GMDS: variants seen among roughly 807,000 people sequenced by gnomAD.
The protein encoded by GMDS is GDP-mannose 4,6-dehydratase.
GMDS carries 20 observed loss-of-function variants against 49.9 expected under a neutral mutation model. That is an observed-to-expected ratio of 0.40 (90% confidence interval 0.28 to 0.58). The LOEUF is 0.58. GMDS is among the 20% of genes least tolerant of loss of function. The probability of loss-of-function intolerance (pLI) is 0.42; values close to 1 mark genes in which losing one functional copy is unlikely to be tolerated. For missense variants in GMDS, 362 were observed against 481.4 expected (o/e 0.75, Z 2.32); for synonymous variants, 177 against 178.6 (o/e 0.99, Z 0.07).
At chr6:2,079,248 G>A (rs568286781) in intron 4 of GMDS, among the ~76,000 whole-genome samples, 1 of 151,900 alleles carries the variant, frequency 6.6e-6, no homozygotes, top group African/African-American at 2.4e-5. Flanking sequence ...TAGCTTCTAA[G>A]TGGAAAATTC....
chr6:2,202,430 T>TA (rs2127577253), intron 1 of GMDS, among the ~76,000 whole-genome samples: 1 of 100,230 alleles, frequency 1.0e-5, no homozygotes, highest in Admixed American at 1.2e-4. Context: ...TGCCAATTTC[T>TA]TTCTATTTTT....
chr6:2,136,949 A>T (rs1776038668), intron 1 of GMDS, among the ~76,000 whole-genome samples: 1 of 151,986 alleles, frequency 6.6e-6, no homozygotes, highest in South Asian at 2.1e-4. Context: ...TTTGACTTTG[A>T]AGTATAAGCA....
chr6:2,159,514 CTTTTTTTT>C (rs1157303919), intron 1 of GMDS, among the ~76,000 whole-genome samples: 1 of 108,204 alleles, frequency 9.2e-6, no homozygotes, highest in African/African-American at 3.4e-5. Context: ...TTCTTTTTTT[CTTTTTTTT>C]TTTTTTTTTT....
chr6:1,968,636 G>A lies in GMDS; in HGVS notation c.346-7670C>T, dbSNP rs558136989. ...GGTAAATTTCAGGTTCAGGGAGAGA[G>A]GCGGCTATAGTCATCAGGAGTCTAG... On this transcript the variant is annotated intron_variant, in intron 4 of 10. Coordinates refer to ENST00000380815, the MANE Select transcript of GMDS (RefSeq NM_001500.4). Among the ~76,000 whole-genome samples, 4 of 152,300 alleles carry A rather than the reference G, an allele frequency of 2.6e-5. No homozygotes were observed. In the South Asian group the frequency reaches 8.3e-4, roughly 32 times the overall value.
At chr6:2,217,115 C>T (rs1780378877) in intron 1 of GMDS, among the ~76,000 whole-genome samples, 1 of 152,178 alleles carries the variant, frequency 6.6e-6, no homozygotes, top group African/African-American at 2.4e-5. Context: ...ACACAGCTCT[C>T]AACTGTAAGC....
chr6:2,143,405 C>T (rs140916230), intron 1 of GMDS, among the ~76,000 whole-genome samples: 4 of 152,350 alleles, frequency 2.6e-5, no homozygotes, highest in Admixed American at 2.6e-4. Context: ...CCACTCCCAT[C>T]CCCATCATCT....
rs192632239 is a variant in GMDS, at chr6:2,225,628, A to G, written c.102+19693T>C. ...GGATCAGTGTGTTGGCTGTAAACCA[A>G]CCAACACAGATGATCAATATTACAG... On this transcript the variant is annotated intron_variant, in intron 1 of 10. Transcript: ENST00000380815. Among the ~76,000 whole-genome samples the G allele has an allele frequency of 2.6e-3, 390 of 152,300 alleles. 1 individual carries two copies. Among genetic ancestry groups the G allele is most frequent in the African/African-American group, 9.0e-3 (376 of 41,558 alleles).
rs1202347284 is a variant in GMDS at position 2,124,749 on chromosome 6, A to G, written c.103-18T>C. 1 of 1,608,074 alleles carries G rather than the reference A, an allele frequency of 6.2e-7. No individual in the cohort carries two copies. The highest frequency in any genetic ancestry group is 1.3e-5 in the African/African-American group (1 of 74,826). The stretch of plus-strand genomic sequence containing the variant: ...GAACCATCCTGGGGAGAAAGAAAAA[A>G]TTGCAAAACGTCAGTCTCATAGTGG... On this transcript the variant is annotated intron_variant, in intron 1 of 10. Transcript: ENST00000380815.
intron 7 of GMDS, among the ~76,000 whole-genome samples, chr6:1,818,160 T>G (rs574421597): frequency 2.0e-5 from 3 of 152,166 alleles, no homozygotes; most frequent in Non-Finnish European, 4.4e-5. Context: ...TTACCAAAAA[T>G]GAATATATCT....
intron 7 of GMDS, among the ~76,000 whole-genome samples, chr6:1,823,120 A>T (rs1770963469): frequency 6.6e-6 from 1 of 152,190 alleles, no homozygotes; most frequent in Non-Finnish European, 1.5e-5. Flanking sequence ...AGTGTGTAAA[A>T]TATTTGGCAA....
intron 7 of GMDS, among the ~76,000 whole-genome samples, chr6:1,814,434 GA>G (rs150180991): frequency 2.0e-5 from 3 of 147,500 alleles, no homozygotes; most frequent in African/African-American, 4.9e-5. Flanking sequence ...AGGGCACCCA[GA>G]AAAAAAAAAC....
chr6:2,244,335 G>A (rs1394821721), intron 1 of GMDS, among the ~76,000 whole-genome samples: 4 of 152,092 alleles, frequency 2.6e-5, no homozygotes, highest in African/African-American at 9.7e-5. Context: ...AGAACTAAAT[G>A]AGTTAATGTT....
intron 4 of GMDS, among the ~76,000 whole-genome samples, chr6:2,035,494 C>T (rs1769248792): frequency 6.6e-6 from 1 of 152,052 alleles, no homozygotes; most frequent in Non-Finnish European, 1.5e-5. Context: ...TTCTATTTGG[C>T]ATTTGACCTA....
At chr6:1,870,835 T>G (rs184100372) in intron 7 of GMDS, among the ~76,000 whole-genome samples, 4 of 152,292 alleles carry the variant, frequency 2.6e-5, no homozygotes, top group Admixed American at 2.6e-4. Flanking sequence ...TGATACTTTT[T>G]TAAAACCAGC....
At chr6:2,026,389 A>G (rs1375496180) in intron 4 of GMDS, among the ~76,000 whole-genome samples, 1 of 152,220 alleles carries the variant, frequency 6.6e-6, no homozygotes, top group Admixed American at 6.5e-5. Flanking sequence ...CATGGACTTA[A>G]TGACGTGGAA....
rs527477699 is a variant in GMDS at position 1,985,510 on chromosome 6, A to T, written c.346-24544T>A. On this transcript the variant is annotated intron_variant, in intron 4 of 10. Coordinates refer to ENST00000380815, the MANE Select transcript of GMDS (RefSeq NM_001500.4). ...AGCATTCTGAAAATGACTTTGAAAC[A>T]TCTCTCTTTAACAATGACTTTTAAA... is the stretch of plus-strand genomic sequence containing the variant. Among the ~76,000 whole-genome samples, 220 of 152,336 alleles carry T rather than the reference A, an allele frequency of 1.4e-3. 1 individual carries two copies. Among genetic ancestry groups the T allele is most frequent in the Non-Finnish European group, 2.6e-3 (179 of 68,032 alleles).
At chr6:1,896,536 G>A (rs1445339941) in intron 7 of GMDS, among the ~76,000 whole-genome samples, 10 of 152,086 alleles carry the variant, frequency 6.6e-5, no homozygotes, top group South Asian at 2.1e-4. Flanking sequence ...TGACAAATCC[G>A]GGGAATCTGA....
intron 3 of GMDS, among the ~76,000 whole-genome samples, chr6:2,117,123 T>A (rs1774888169): frequency 6.6e-6 from 1 of 152,200 alleles, no homozygotes; most frequent in Admixed American, 6.5e-5. Context: ...TAAATTGGAC[T>A]GAATATAAAA....
intron 4 of GMDS, among the ~76,000 whole-genome samples, chr6:1,998,450 AT>A (rs1268636389): frequency 2.0e-5 from 3 of 152,150 alleles, no homozygotes; most frequent in Non-Finnish European, 2.9e-5. Context: ...GCAATTCTAA[AT>A]GCTAAAAAGT....
Sources: gnomAD v4.1 joint callset for allele counts (sites outside exome capture counted in the v4.1 genomes callset) on GRCh38, gnomAD v4.1.1 for gene constraint, MANE v1.5 for transcripts, NCBI Gene and HGNC (gene_info 2026-07-23, HGNC 2026-07-21) for gene names.